The following EEF1A2 variants were observed in gnomAD, a reference collection of about 807,000 sequenced individuals.
EEF1A2 encodes eukaryotic translation elongation factor 1 alpha 2, also known as elongation factor 1-alpha 2.
In EEF1A2, 5 loss-of-function variants were observed where a neutral mutation model predicts 39.3. That is an observed-to-expected ratio of 0.13 (90% CI 0.07 to 0.27). The LOEUF (loss-of-function observed/expected upper bound fraction) is 0.27, where lower values mean the gene tolerates loss of function less well. EEF1A2 is among the 10% of genes least tolerant of loss of function. The pLI, the probability that EEF1A2 is intolerant of heterozygous loss-of-function variation, is 1.00. For synonymous variants in EEF1A2, 287 were observed against 293.7 expected, an observed-to-expected ratio of 0.98 and a Z score of 0.23; for missense variants, 218 against 681.4, an observed-to-expected ratio of 0.32 and a Z score of 7.57.
chr20:63,490,365 T>G, intron 6 of EEF1A2, 114 bp downstream of exon 6: 1 of 1,385,616 alleles, frequency 7.2e-7, no homozygotes, highest in Non-Finnish European at 9.7e-7. Context: ...GCGCCCAGCC[T>G]GAGGGTCTGG....
intron 4 of EEF1A2, among the ~76,000 whole-genome samples, chr20:63,494,351 T>G (rs999084608): frequency 1.3e-5 from 2 of 152,194 alleles, no homozygotes; most frequent in African/African-American, 2.4e-5. Context: ...CCCAGAAGCA[T>G]GCACACTTCC....
rs372257864 is a variant in EEF1A2, at chr20:63,488,355, G to T, written c.1335C>A (p.Ser445Arg). ...VGVIKNVEKKSGGAGKVTKSA... is the reference protein window; with the variant it reads ...VGVIKNVEKKRGGAGKVTKSA... ...ACTTGGTGACCTTGCCGGCGCCGCC[G>T]CTCTTCTTCTCCACGTTCTTGATGA... is the stretch of plus-strand genomic sequence containing the variant. Residue 445 changes from serine to arginine, a missense_variant, in exon 8 of 8, where the codon AGC becomes AGA. Around this residue, in one of 4 missense-constraint regions of EEF1A2, gnomAD observed 31 missense variants for 57.0 expected, o/e 0.54. Coordinates refer to ENST00000217182, the MANE Select transcript of EEF1A2 (RefSeq NM_001958.5). 2 of 1,470,630 alleles carry T rather than the reference G, an allele frequency of 1.4e-6. No homozygotes were observed. Among genetic ancestry groups the T allele is most frequent in the Non-Finnish European group, 1.8e-6 (2 of 1,111,130 alleles). The allele number at this position is 1,470,630 out of a possible 1,614,324, so 91.1% of individuals were successfully genotyped here.
chr20:63,491,380 C>T (rs1243788191), intron 5 of EEF1A2, among the ~76,000 whole-genome samples: 1 of 151,904 alleles, frequency 6.6e-6, no homozygotes, highest in South Asian at 2.1e-4. Flanking sequence ...GGGGTCTTGT[C>T]CCCCCCCAGG....
chr20:63,488,545 AGAGCGCGCCCCTGTGAAG>A, intron 7 of EEF1A2, 120 bp from the exon 8 acceptor site: 1 of 1,277,086 alleles, frequency 7.8e-7, no homozygotes, highest in Non-Finnish European at 1.0e-6. Context: ...CGCTTAGCGC[AGAGCGCGCCCCTGTGAAG>A]ACGGCCGGCC....
intron 6 of EEF1A2, among the ~76,000 whole-genome samples, chr20:63,489,416 A>G (rs2145939087): frequency 6.6e-6 from 1 of 152,302 alleles, no homozygotes; most frequent in South Asian, 2.1e-4. Flanking sequence ...AGCTGGAACT[A>G]AGGCGGGGGG....
At chr20:63,489,284 G>T in intron 6 of EEF1A2, 132 bp from the exon 7 acceptor site, 1 of 834,652 alleles carries the variant, frequency 1.2e-6, no homozygotes, top group Non-Finnish European at 1.8e-6. Flanking sequence ...TGACTGGAGG[G>T]GGCTCAGGCT....
Position 63,498,455 on chromosome 20 carries a change from G to A in EEF1A2, c.-72+603C>T, listed in dbSNP as rs1757693. Reference sequence around the variant, plus strand: ...ACTCTCACAGGGACAGACAGCGGCCGGGAGGTGGGGGTCCCTGTTCCAGCC... The same window carrying A: ...ACTCTCACAGGGACAGACAGCGGCCAGGAGGTGGGGGTCCCTGTTCCAGCC... On this transcript the variant is annotated intron_variant, in intron 1 of 7. Transcript: ENST00000217182. This position sits in a 1 kb window ranked among gnomAD's most constrained non-coding sequence, Gnocchi z 4.1. 32,440 of 152,348 alleles carry A rather than the reference G, an allele frequency of 0.21. 3,699 individuals carry two copies. Among genetic ancestry groups the A allele is most frequent in the Admixed American group, 0.31 (4,805 of 15,298 alleles). The allele number at this position is 152,348 out of a possible 1,614,324, so 9.4% of individuals were successfully genotyped here. A position where few individuals can be genotyped will look rare whatever the true frequency, so the allele number is the denominator to read the frequency against.
Position 63,495,028 on chromosome 20 carries a change from G to A in EEF1A2, c.398C>T (p.Thr133Met), listed in dbSNP as rs1555883816. 3 of 1,612,708 alleles carry A rather than the reference G, an allele frequency of 1.9e-6. No homozygotes were observed. Among genetic ancestry groups the A allele is most frequent in the East Asian group, 2.2e-5 (1 of 44,872 alleles). ...FEAGISKNGQ[T>M]REHALLAYTL... ...GTAGGCCAGCAGGGCATGCTCCCGC[G>A]TCTGCCCATTCTTGGAGATGCCCGC... is the stretch of plus-strand genomic sequence containing the variant. Residue 133 changes from threonine to methionine, a missense_variant, in exon 4 of 8, where the codon ACG becomes ATG. Transcript: ENST00000217182.
intron 3 of EEF1A2, 63 bp from the exon 4 acceptor site, chr20:63,495,164 G>A: frequency 6.4e-7 from 1 of 1,566,180 alleles, no homozygotes; most frequent in Non-Finnish European, 8.6e-7. Context: ...GAGCGAGCCT[G>A]GCCCCACCTC....
intron 6 of EEF1A2, among the ~76,000 whole-genome samples, chr20:63,489,421 G>C (rs1446118190): frequency 2.0e-5 from 3 of 150,202 alleles, no homozygotes; most frequent in Non-Finnish European, 4.4e-5. Context: ...GAACTAAGGC[G>C]GGGGGGTGAC....
At chr20:63,494,145 C>T (rs147831403) in intron 4 of EEF1A2, among the ~76,000 whole-genome samples, 7 of 152,336 alleles carry the variant, frequency 4.6e-5, no homozygotes, top group African/African-American at 1.4e-4. Context: ...CTGTGGGCAG[C>T]GACAGTGCTG....
chr20:63,491,872 GGATA>G lies in EEF1A2; in HGVS notation c.773-1141_773-1138del, dbSNP rs1423286817. 2.2e-3 allele frequency among the ~76,000 whole-genome samples: 172 copies of G among 79,898 alleles called. 2 individuals are homozygous for G. The highest frequency in any genetic ancestry group is 0.013 in the Middle Eastern group (1 of 78). The allele number at this position is 79,898 out of a possible 152,430, so 52.4% of individuals were successfully genotyped here. A position where few individuals can be genotyped will look rare whatever the true frequency, so the allele number is the denominator to read the frequency against. The stretch of plus-strand genomic sequence containing the variant: ...TGAATGGATGGATGGGGAGGTGGAT[GGATA>G]GATGGATGGATGGATGGATGGATGG... On this transcript the variant is annotated intron_variant, in intron 5 of 7. Transcript: ENST00000217182.
Position 63,488,167 on chromosome 20 carries a change from G to C in EEF1A2, c.*131C>G, listed in dbSNP as rs1486397343. 8.3e-6 allele frequency: 4 copies of C among 482,456 alleles called. No individual in the cohort carries two copies. Among genetic ancestry groups the C allele is most frequent in the Non-Finnish European group, 1.1e-5 (4 of 372,998 alleles). The allele number at this position is 482,456 out of a possible 1,614,324, so 29.9% of individuals were successfully genotyped here. A position where few individuals can be genotyped will look rare whatever the true frequency, so the allele number is the denominator to read the frequency against. On this transcript the variant is annotated 3_prime_UTR_variant, in exon 8 of 8. Transcript: ENST00000217182. ...TGACCGAGGGCCTCTGGCAAGCGGA[G>C]GTGCAGACATGCGCCTGGCGGGGGT...
chr20:63,497,495 T>G lies in EEF1A2; in HGVS notation c.144+125A>C. 2.8e-6 allele frequency: 4 copies of G among 1,420,598 alleles called. No individual in the cohort carries two copies. Among genetic ancestry groups the G allele is most frequent in the South Asian group, 1.5e-5 (1 of 67,062 alleles). 88.0% of individuals were successfully genotyped at this position (1,420,598 alleles called of 1,614,324 possible). A position where few individuals can be genotyped will look rare whatever the true frequency, so the allele number is the denominator to read the frequency against. On this transcript the variant is annotated intron_variant, in intron 2 of 7. Coordinates refer to ENST00000217182, the MANE Select transcript of EEF1A2 (RefSeq NM_001958.5). The surrounding 1 kb of genome is among the most constrained non-coding windows in gnomAD (Gnocchi z 7.3). ...AGGCCTGAGTGCCCCACAGCGGGGG[T>G]CCCTCCTGCCCTGGAGGAGGTCACC...
Position 63,488,953 on chromosome 20 carries a change from A to G in EEF1A2, c.1229T>C (p.Met410Thr). Reference protein sequence around the residue: ...AIVEMVPGKPMCVESFSQYPP... With the variant: ...AIVEMVPGKPTCVESFSQYPP... ...GTACTGGGAGAAGCTCTCCACACAC[A>G]TGGGCTTTCCCGGCACCATCTCCAC... Residue 410 changes from methionine to threonine, a missense_variant, in exon 7 of 8, where the codon ATG (methionine) becomes ACG (threonine). Coordinates refer to ENST00000217182, the MANE Select transcript of EEF1A2 (RefSeq NM_001958.5). 6.2e-7 allele frequency: 1 copy of G among 1,611,526 alleles called. No individual in the cohort carries two copies. Among genetic ancestry groups the G allele is most frequent in the Non-Finnish European group, 8.5e-7 (1 of 1,179,790 alleles).
In EEF1A2 at chr20:63,493,233, C is replaced by G; in HGVS notation, c.676G>C (p.Val226Leu). The change falls in exon 5 of 8, where the codon GTG becomes CTG. Residue 226 changes from valine to leucine, a missense_variant. Physicochemically the swap from Val to Leu is conservative, Grantham distance 32. Coordinates refer to ENST00000217182, the MANE Select transcript of EEF1A2 (RefSeq NM_001958.5). ...GTGTCCAGGGCCTCCAGCAGGGACA[C>G]GCCGCTTGCGTTGCCCTCCTTACGC... The part of the protein sequence containing the change: ...VERKEGNASG[V>L]SLLEALDTIL... 2 of 1,546,858 alleles carry G rather than the reference C, an allele frequency of 1.3e-6. No homozygotes were observed. The highest frequency in any genetic ancestry group is 1.7e-6 in the Non-Finnish European group (2 of 1,144,600).
intron 7 of EEF1A2, 128 bp from the exon 8 acceptor site, chr20:63,488,553 C>T: frequency 7.9e-7 from 1 of 1,262,666 alleles, no homozygotes; most frequent in Non-Finnish European, 1.0e-6. Context: ...GCAGAGCGCG[C>T]CCCTGTGAAG....
Position 63,494,979 on chromosome 20 carries a change from G to T in EEF1A2, c.447C>A (p.Ile149=). ...TGGAGTCCATTTTGTTCACGCCCAC[G>T]ATGAGCTGCTTCACACCCAGCGTGT... ...LAYTLGVKQL[I]VGVNKMDSTE... is the part of the protein sequence containing the mutation. Residue 149 remains isoleucine (I), a synonymous_variant, in exon 4 of 8, where the codon ATC becomes ATA. Transcript: ENST00000217182. 6.2e-7 allele frequency: 1 copy of T among 1,612,794 alleles called. No homozygotes were observed. Among genetic ancestry groups the T allele is most frequent in the Non-Finnish European group, 8.5e-7 (1 of 1,179,970 alleles).
intron 5 of EEF1A2, among the ~76,000 whole-genome samples, chr20:63,492,499 AGGAT>A (rs1241880131): frequency 3.4e-5 from 5 of 148,328 alleles, no homozygotes; most frequent in Non-Finnish European, 5.9e-5. Context: ...GATGGACAGA[AGGAT>A]GGATGGGTGG....
Sources: gnomAD v4.1 joint callset for allele counts (sites outside exome capture counted in the v4.1 genomes callset) on GRCh38, gnomAD v4.1.1 for gene constraint, gnomAD v4.1.1 regional missense constraint, Gnocchi (gnomAD v3.1) non-coding constraint, MANE v1.5 for transcripts, NCBI Gene and HGNC (gene_info 2026-07-23, HGNC 2026-07-21) for gene names.